ANAPC7: variants seen among roughly 807,000 people sequenced by gnomAD.
The protein encoded by ANAPC7 is anaphase promoting complex subunit 7, also known as anaphase-promoting complex subunit 7.
A neutral mutation model predicts 63.3 loss-of-function variants in ANAPC7; 25 were observed. That is an observed-to-expected ratio of 0.39 (90% CI 0.29 to 0.55). The LOEUF (loss-of-function observed/expected upper bound fraction) is 0.55. ANAPC7 is among the 20% of genes least tolerant of loss of function. The pLI, the probability that ANAPC7 is intolerant of heterozygous loss-of-function variation, is 0.57. For missense variants in ANAPC7, 516 were observed against 691.7 expected, an observed-to-expected ratio of 0.75 and a Z score of 2.85; for synonymous variants, 241 against 251.7, an observed-to-expected ratio of 0.96 and a Z score of 0.40.
chr12:110,396,176 C>A (rs1014053612), intron 2 of ANAPC7, 90 bp downstream of exon 2: 132 of 1,202,412 alleles, frequency 1.1e-4, no homozygotes, highest in Non-Finnish European at 1.5e-4. Flanking sequence ...TCCTAACAGA[C>A]CAGGCACTGG....
intron 10 of ANAPC7, among the ~76,000 whole-genome samples, chr12:110,375,158 C>G (rs889188850): frequency 2.0e-5 from 3 of 152,190 alleles, no homozygotes; most frequent in Non-Finnish European, 2.9e-5. Context: ...GTAACATCTC[C>G]TCGTCTCCTG....
intron 2 of ANAPC7, among the ~76,000 whole-genome samples, chr12:110,395,451 G>A (rs1566276309): frequency 2.0e-5 from 3 of 151,860 alleles, no homozygotes; most frequent in African/African-American, 2.4e-5. Context: ...AGTACTACAG[G>A]TATGTGCCAC....
Position 110,381,748 on chromosome 12 carries a change from T to A in ANAPC7, c.1132+4A>T. 1.2e-6 allele frequency: 2 copies of A among 1,612,526 alleles called. No homozygotes were observed. The highest frequency in any genetic ancestry group is 1.7e-6 in the Non-Finnish European group (2 of 1,179,948). On this transcript the variant is annotated splice_donor_region_variant and intron_variant, in intron 8 of 10. Coordinates refer to ENST00000455511, the MANE Select transcript of ANAPC7 (RefSeq NM_016238.3). ...ACACCATTCACCTATGTTTTCTTTC[T>A]TACCTTCATAACAATCTAAGCGACA...
At position 110,373,656 on chromosome 12, in the gene ANAPC7, G is replaced by A. The variant is rs1881005628; in HGVS notation, c.*488C>T. 1 of 153,510 alleles carries A rather than the reference G, an allele frequency of 6.5e-6. No homozygotes were observed. The highest frequency in any genetic ancestry group is 1.4e-5 in the Non-Finnish European group (1 of 68,988). The allele number at this position is 153,510 out of a possible 1,614,324, so 9.5% of individuals were successfully genotyped here. Reference sequence around the variant, plus strand: ...TTAAGGCATTACTAACATTGCAGAAGGAAGCAAGATTTACTAGGGACATCT... The same window carrying A: ...TTAAGGCATTACTAACATTGCAGAAAGAAGCAAGATTTACTAGGGACATCT... On this transcript the variant is annotated 3_prime_UTR_variant, in exon 11 of 11. Coordinates refer to ENST00000455511, the MANE Select transcript of ANAPC7 (RefSeq NM_016238.3).
intron 1 of ANAPC7, among the ~76,000 whole-genome samples, chr12:110,399,999 G>C (rs1197344681): frequency 2.0e-5 from 3 of 151,814 alleles, no homozygotes; most frequent in African/African-American, 7.3e-5. Flanking sequence ...AAGGCTGAGG[G>C]AGAACTGCTT....
chr12:110,388,142 T>TA (rs1347453518), intron 4 of ANAPC7, among the ~76,000 whole-genome samples: 7 of 152,148 alleles, frequency 4.6e-5, no homozygotes, highest in African/African-American at 1.2e-4. Context: ...GTTCAAGCGA[T>TA]ACTCATGCCC....
At chr12:110,382,451 AAAAAAAAAAAATATATAT>A (rs2137934111) in intron 7 of ANAPC7, among the ~76,000 whole-genome samples, 1 of 69,600 alleles carries the variant, frequency 1.4e-5, no homozygotes, top group African/African-American at 5.6e-5. Context: ...TAAAAAAAAA[AAAAAAAAAAAATATATAT>A]ATATATATAT....
intron 1 of ANAPC7, among the ~76,000 whole-genome samples, 197 bp downstream of exon 1, chr12:110,403,330 G>A (rs912540191): frequency 6.6e-6 from 1 of 152,094 alleles, no homozygotes; most frequent in African/African-American, 2.4e-5. Flanking sequence ...CATCCCCGCG[G>A]GACTTGACGC....
intron 3 of ANAPC7, among the ~76,000 whole-genome samples, chr12:110,392,317 G>T (rs1366229908): frequency 6.6e-6 from 1 of 152,064 alleles, no homozygotes; most frequent in Non-Finnish European, 1.5e-5. Context: ...TCATACTGAA[G>T]AAATAGCTTC....
chr12:110,390,248 A>G (rs982708383), intron 3 of ANAPC7, among the ~76,000 whole-genome samples: 1 of 151,134 alleles, frequency 6.6e-6, no homozygotes, highest in Non-Finnish European at 1.5e-5. Flanking sequence ...TTTTTTTTGT[A>G]TTTTAAGTAG....
intron 1 of ANAPC7, among the ~76,000 whole-genome samples, chr12:110,397,557 C>CA (rs536665095): frequency 0.19 from 18,840 of 97,760 alleles, 1,844 homozygotes; most frequent in African/African-American, 0.35. Flanking sequence ...GATCTCGTCT[C>CA]AAAAAAAAAA....
rs1467695456 is a variant in ANAPC7, at chr12:110,374,114, G to C, written c.*30C>G. The C allele has an allele frequency of 1.3e-6, 2 of 1,588,420 alleles. No homozygotes were observed. The highest frequency in any genetic ancestry group is 2.7e-5 in the African/African-American group (2 of 74,776). On this transcript the variant is annotated 3_prime_UTR_variant, in exon 11 of 11. Transcript: ENST00000455511. Reference sequence around the variant, plus strand: ...CCACGGAAGTGCTCAGAGCAGGGCAGGCCACTGCGGCCATGGAGCTGCCGC... The same window carrying C: ...CCACGGAAGTGCTCAGAGCAGGGCACGCCACTGCGGCCATGGAGCTGCCGC...
chr12:110,387,659 CT>C, intron 5 of ANAPC7, 79 bp downstream of exon 5: 8 of 1,501,174 alleles, frequency 5.3e-6, no homozygotes, highest in Admixed American at 4.2e-5. Context: ...TCTCATTTTT[CT>C]TTTTGCTACT....
In ANAPC7 at chr12:110,387,617, C is replaced by T; in HGVS notation, c.674+122G>A. The T allele has an allele frequency of 2.5e-6, 3 of 1,188,732 alleles. No individual in the cohort carries two copies. The South Asian group carries it at 4.4e-5, about 18-fold the overall frequency. The allele number at this position is 1,188,732 out of a possible 1,614,324, so 73.6% of individuals were successfully genotyped here. On this transcript the variant is annotated intron_variant, in intron 5 of 10. Coordinates refer to ENST00000455511, the MANE Select transcript of ANAPC7 (RefSeq NM_016238.3). ...TTCAGTATAAAAGACTAACACATCC[C>T]AGAGACTGGCTGCAGCACCAACAGC...
At chr12:110,380,722 A>AGGCG (rs1475309865) in intron 8 of ANAPC7, among the ~76,000 whole-genome samples, 15 of 150,982 alleles carry the variant, frequency 9.9e-5, no homozygotes, top group African/African-American at 3.7e-4. Context: ...TGGGAGGCCG[A>AGGCG]GGCGGGCGGA....
chr12:110,376,051 G>T lies in ANAPC7; in HGVS notation c.1508+15C>A. Reference sequence around the variant, plus strand: ...CCTCCTCAGTGGCCTTCCCCCAAGGGAGGCTAGTGCCTACCTTAGTGCTAT... The same window carrying T: ...CCTCCTCAGTGGCCTTCCCCCAAGGTAGGCTAGTGCCTACCTTAGTGCTAT... On this transcript the variant is annotated intron_variant, in intron 10 of 10. Coordinates refer to ENST00000455511, the MANE Select transcript of ANAPC7 (RefSeq NM_016238.3). The T allele has an allele frequency of 6.2e-7, 1 of 1,604,160 alleles. No individual in the cohort carries two copies. The highest frequency in any genetic ancestry group is 8.5e-7 in the Non-Finnish European group (1 of 1,173,322).
intron 3 of ANAPC7, among the ~76,000 whole-genome samples, chr12:110,388,862 C>T (rs1256628561): frequency 4.0e-5 from 6 of 151,894 alleles, no homozygotes; most frequent in African/African-American, 7.3e-5. Flanking sequence ...GGGTGGATCA[C>T]GAGGTCAGGA....
intron 8 of ANAPC7, chr12:110,377,828 C>T: frequency 7.0e-7 from 1 of 1,419,748 alleles, no homozygotes; most frequent in East Asian, 2.6e-5. Context: ...TAGAAAAAGA[C>T]TGCCTTCAAA....
chr12:110,375,051 G>T (rs1041528725), intron 10 of ANAPC7, among the ~76,000 whole-genome samples: 1 of 152,128 alleles, frequency 6.6e-6, no homozygotes, highest in Non-Finnish European at 1.5e-5. Context: ...TCTAATGGAA[G>T]TCTGATATTT....
Sources: gnomAD v4.1 joint callset for allele counts (sites outside exome capture counted in the v4.1 genomes callset) on GRCh38, gnomAD v4.1.1 for gene constraint, MANE v1.5 for transcripts, NCBI Gene and HGNC (gene_info 2026-07-23, HGNC 2026-07-21) for gene names.